Variants in DCUN1D4 observed in about 807,000 individuals in gnomAD.
DCUN1D4 encodes DCN1-like protein 4.
In DCUN1D4, 22 loss-of-function variants were observed where a neutral mutation model predicts 47.9. The ratio of observed to expected loss-of-function variants is 0.46; its 90% CI spans 0.33 to 0.66. DCUN1D4 has a LOEUF of 0.66. Ranked by LOEUF, DCUN1D4 falls within the 30% of genes least tolerant of loss-of-function variation. The probability of loss-of-function intolerance (pLI) is 0.02; values close to 1 mark genes in which losing one functional copy is unlikely to be tolerated. For missense variants in DCUN1D4, 301 were observed against 340.8 expected (o/e 0.88, Z 0.92); for synonymous variants, 121 against 112.2 (o/e 1.08, Z -0.50).
chr4:51,867,290 C>T (rs945156049), intron 3 of DCUN1D4, among the ~76,000 whole-genome samples: 7 of 152,202 alleles, frequency 4.6e-5, no homozygotes, highest in African/African-American at 1.7e-4. Context: ...TCAAGGAGCC[C>T]ATAGGTCTAG....
chr4:51,895,194 A>G (rs1731049504), intron 7 of DCUN1D4, among the ~76,000 whole-genome samples: 2 of 151,634 alleles, frequency 1.3e-5, no homozygotes, highest in South Asian at 2.1e-4. Flanking sequence ...TTTGGTTAAA[A>G]TGCTGTTAAA....
upstream of DCUN1D4, among the ~76,000 whole-genome samples, chr4:51,842,416 C>A (rs1721749489): frequency 6.6e-6 from 1 of 152,172 alleles, no homozygotes; most frequent in South Asian, 2.1e-4. Flanking sequence ...AAGAAGTGTG[C>A]GAACTCTGCG....
intron 5 of DCUN1D4, among the ~76,000 whole-genome samples, chr4:51,882,865 A>G (rs1177088317): frequency 6.6e-6 from 1 of 152,084 alleles, no homozygotes; most frequent in Non-Finnish European, 1.5e-5. Flanking sequence ...TAAAAGAATT[A>G]CAAAGTAACT....
At chr4:51,839,160 AAGG>A (rs1468861613), upstream of DCUN1D4, among the ~76,000 whole-genome samples, 3 of 149,244 alleles carry the variant, frequency 2.0e-5, no homozygotes, top group Admixed American at 6.7e-5. Context: ...GGAAGGAAGG[AAGG>A]AGAAGGAAGG....
At chr4:51,834,055 TC>T in the DCUN1D4 span, among the ~76,000 whole-genome samples, 1 of 132,922 alleles carries the variant, frequency 7.5e-6, no homozygotes, top group South Asian at 2.4e-4. Context: ...TCTCTCTCTC[TC>T]TCTCTCTCTC....
intron 10 of DCUN1D4, 68 bp from the exon 11 acceptor site, chr4:51,913,461 A>G (rs1156586075): frequency 6.3e-7 from 1 of 1,574,932 alleles, no homozygotes; most frequent in African/African-American, 1.4e-5. Context: ...GAAAAGCCTC[A>G]GCTACATTAC....
intron 7 of DCUN1D4, among the ~76,000 whole-genome samples, chr4:51,895,515 C>T (rs1273455734): frequency 1.4e-5 from 2 of 143,428 alleles, no homozygotes; most frequent in African/African-American, 5.2e-5. Context: ...AGACACAGCT[C>T]CTGTTTTGGT....
At chr4:51,862,121 C>G (rs1008254771) in intron 1 of DCUN1D4, among the ~76,000 whole-genome samples, 1 of 152,204 alleles carries the variant, frequency 6.6e-6, no homozygotes, top group Non-Finnish European at 1.5e-5. Flanking sequence ...GCTTGAGGCC[C>G]TGCTCTGGCT....
At chr4:51,908,221 G>A (rs979372973) in intron 8 of DCUN1D4, among the ~76,000 whole-genome samples, 2 of 152,158 alleles carry the variant, frequency 1.3e-5, no homozygotes, top group Admixed American at 1.3e-4. Context: ...TATCTTTCGT[G>A]TATAGAGCCT....
intron 8 of DCUN1D4, 183 bp from the exon 9 acceptor site, chr4:51,910,887 C>T (rs1315340480): frequency 2.0e-5 from 12 of 596,888 alleles, no homozygotes; most frequent in South Asian, 1.9e-4. Flanking sequence ...TATCGTAATG[C>T]CCAAGCCTTC....
At chr4:51,885,994 A>G (rs1729425910) in intron 5 of DCUN1D4, among the ~76,000 whole-genome samples, 1 of 152,264 alleles carries the variant, frequency 6.6e-6, no homozygotes, top group African/African-American at 2.4e-5. Context: ...AGCTAGGAGA[A>G]GAAGAAACCA....
At chr4:51,844,201 T>A (rs963326026) in intron 1 of DCUN1D4, among the ~76,000 whole-genome samples, 2 of 147,398 alleles carry the variant, frequency 1.4e-5, no homozygotes, top group Non-Finnish European at 3.0e-5. Context: ...CCAGATTCGG[T>A]CCGGAGCCGG....
chr4:51,912,226 C>T (rs999709730), intron 9 of DCUN1D4, among the ~76,000 whole-genome samples: 1 of 152,024 alleles, frequency 6.6e-6, no homozygotes, highest in Non-Finnish European at 1.5e-5. Flanking sequence ...GAAATAGTTC[C>T]CTGTTCTCAG....
chr4:51,843,037 C>T (rs1721841929), upstream of DCUN1D4: 2 of 1,366,530 alleles, frequency 1.5e-6, no homozygotes, highest in Non-Finnish European at 1.9e-6. Context: ...TCCAGACCGG[C>T]GCTATGGGCA....
At chr4:51,909,028 C>T (rs913647947) in intron 8 of DCUN1D4, 5 of 455,694 alleles carry the variant, frequency 1.1e-5, no homozygotes, top group Admixed American at 4.7e-5. Flanking sequence ...GCCTTTCCTC[C>T]GTGTTTTGGC....
chr4:51,885,692 G>A (rs1305870637), intron 5 of DCUN1D4, among the ~76,000 whole-genome samples: 2 of 152,150 alleles, frequency 1.3e-5, no homozygotes, highest in Non-Finnish European at 2.9e-5. Flanking sequence ...TAGGAATAAT[G>A]TATATAGCAG....
chr4:51,854,027 A>C (rs759350108), intron 1 of DCUN1D4, among the ~76,000 whole-genome samples: 1 of 152,192 alleles, frequency 6.6e-6, no homozygotes, highest in African/African-American at 2.4e-5. Flanking sequence ...AGAAATTCCT[A>C]CTTGTAGCCA....
chr4:51,838,943 C>T (rs1426188666), upstream of DCUN1D4, among the ~76,000 whole-genome samples: 2 of 152,068 alleles, frequency 1.3e-5, no homozygotes, highest in Admixed American at 6.6e-5. Context: ...GGTGTGGTGG[C>T]GTGTGCCTGT....
chr4:51,873,665 AT>A (rs1727240743), intron 3 of DCUN1D4, among the ~76,000 whole-genome samples: 1 of 152,248 alleles, frequency 6.6e-6, no homozygotes, highest in Admixed American at 6.5e-5. Context: ...GTATCAGACA[AT>A]TACCAAATGA....
Sources: allele counts gnomAD v4.1 joint callset (sites outside exome capture counted in the v4.1 genomes callset), GRCh38; gene constraint gnomAD v4.1.1; transcripts MANE v1.5; gene names NCBI Gene and HGNC (gene_info 2026-07-23, HGNC 2026-07-21).